The following NENF variants were observed in gnomAD, a reference collection of about 807,000 sequenced individuals.
The protein encoded by NENF is neudesin.
A neutral mutation model predicts 14.8 loss-of-function variants in NENF; 6 were observed. The ratio of observed to expected loss-of-function variants is 0.40; its 90% CI spans 0.22 to 0.80. The LOEUF (loss-of-function observed/expected upper bound fraction) is 0.80. NENF is among the 30% of genes least tolerant of loss of function. The pLI, the probability that NENF is intolerant of heterozygous loss-of-function variation, is 0.34. For synonymous variants in NENF, 76 were observed against 95.1 expected (o/e 0.80, Z 1.17); for missense variants, 184 against 212.7 (o/e 0.87, Z 0.84).
At chr1:212,439,710 A>AAAAAT in intron 1 of NENF, among the ~76,000 whole-genome samples, 1 of 146,724 alleles carries the variant, frequency 6.8e-6, no homozygotes, top group South Asian at 2.2e-4. Flanking sequence ...AAAAAAAAAA[A>AAAAAT]TTGGCCAGGC....
chr1:212,433,229 C>A lies in NENF; in HGVS notation c.177+109C>A. On this transcript the variant is annotated intron_variant, in intron 1 of 3. Transcript: ENST00000366988. This position sits in a 1 kb window ranked among gnomAD's most constrained non-coding sequence, Gnocchi z 5.5. Reference sequence around the variant, plus strand: ...GGCCCAGGAAGCTCTGGGGGACGCGCGGCCCGCGGCGGGCGCCCTGGGCCG... The same window carrying A: ...GGCCCAGGAAGCTCTGGGGGACGCGAGGCCCGCGGCGGGCGCCCTGGGCCG... 1.5e-6 allele frequency: 1 copy of A among 656,392 alleles called. No individual in the cohort carries two copies. The highest frequency in any genetic ancestry group is 2.0e-6 in the Non-Finnish European group (1 of 495,042). The allele number at this position is 656,392 out of a possible 1,614,324, so 40.7% of individuals were successfully genotyped here.
Position 212,433,486 on chromosome 1 carries a change from G to A in NENF, c.177+366G>A, listed in dbSNP as rs914614363. 2.6e-5 allele frequency among the ~76,000 whole-genome samples: 4 copies of A among 152,108 alleles called. No homozygotes were observed. Among genetic ancestry groups the A allele is most frequent in the African/African-American group, 9.7e-5 (4 of 41,444 alleles). On this transcript the variant is annotated intron_variant, in intron 1 of 3. Transcript: ENST00000366988. The surrounding 1 kb of genome is among the most constrained non-coding windows in gnomAD (Gnocchi z 5.5). ...GCGTTTACTGTGCCCACGCATAGTGGGGAGTGGCGGGGGACGGAGGGAGGG... is the reference window on the plus strand; with the variant it reads ...GCGTTTACTGTGCCCACGCATAGTGAGGAGTGGCGGGGGACGGAGGGAGGG...
chr1:212,433,894 T>TG lies in NENF; in HGVS notation c.177+780dup, dbSNP rs1481063970. 6.6e-6 allele frequency among the ~76,000 whole-genome samples: 1 copy of TG among 151,844 alleles called. No homozygotes were observed. The highest frequency in any genetic ancestry group is 1.5e-5 in the Non-Finnish European group (1 of 67,946). ...TAGATGTGGAGCGGGGGAACGGCATTGGGGGGAGGTCATAGTACCATAGTA... is the reference window on the plus strand; with the variant it reads ...TAGATGTGGAGCGGGGGAACGGCATTGGGGGGGAGGTCATAGTACCATAGTA... On this transcript the variant is annotated intron_variant, in intron 1 of 3. Coordinates refer to ENST00000366988, the MANE Select transcript of NENF (RefSeq NM_013349.5). The surrounding 1 kb of genome is among the most constrained non-coding windows in gnomAD (Gnocchi z 5.5).
chr1:212,441,647 G>A (rs1483296432), intron 1 of NENF, among the ~76,000 whole-genome samples: 1 of 152,102 alleles, frequency 6.6e-6, no homozygotes, highest in Non-Finnish European at 1.5e-5. Flanking sequence ...TTAGCGGGGC[G>A]TGGTGGCGGG....
At chr1:212,438,565 C>G (rs963591273) in intron 1 of NENF, among the ~76,000 whole-genome samples, 3 of 151,618 alleles carry the variant, frequency 2.0e-5, no homozygotes, top group Admixed American at 1.3e-4. Flanking sequence ...CTCTGTCACC[C>G]AGGCTGGAGT....
rs771613887 is a variant in NENF, at chr1:212,444,397, G to A, written c.297G>A (p.Gly99=). The part of the protein sequence containing the change: ...NALTGKDSTR[G]VAKMSLDPAD... Reference sequence around the variant, plus strand: ...TGACGGGGAAGGACTCCACTAGAGGGGTAGCCAAGATGTCCTTGGATCCTG... The same window carrying A: ...TGACGGGGAAGGACTCCACTAGAGGAGTAGCCAAGATGTCCTTGGATCCTG... Residue 99 remains glycine (G), a synonymous_variant, in exon 3 of 4, where the codon GGG becomes GGA. Coordinates refer to ENST00000366988, the MANE Select transcript of NENF (RefSeq NM_013349.5). The A allele has an allele frequency of 6.2e-7, 1 of 1,609,878 alleles. No individual in the cohort carries two copies. The highest frequency in any genetic ancestry group is 1.7e-5 in the Admixed American group (1 of 59,604).
intron 1 of NENF, among the ~76,000 whole-genome samples, chr1:212,439,688 C>CAAAAAAAAAAAAAAAAAAA (rs1218927992): frequency 1.6e-5 from 1 of 60,932 alleles, no homozygotes; most frequent in Non-Finnish European, 3.1e-5. Context: ...ACTAAATATA[C>CAAAAAAAAAAAAAAAAAAA]AAAAAAAAAA....
chr1:212,445,648 C>T (rs939579119), intron 3 of NENF, among the ~76,000 whole-genome samples, 182 bp from the exon 4 acceptor site: 5 of 146,186 alleles, frequency 3.4e-5, no homozygotes, highest in African/African-American at 1.2e-4. Flanking sequence ...GTTATACCCT[C>T]CCACCCCCAC....
At chr1:212,440,244 T>A (rs1221011003) in intron 1 of NENF, among the ~76,000 whole-genome samples, 1 of 83,644 alleles carries the variant, frequency 1.2e-5, no homozygotes, top group Non-Finnish European at 2.1e-5. Context: ...AGAGTAAGAC[T>A]CTGTCTCAAA....
intron 1 of NENF, among the ~76,000 whole-genome samples, chr1:212,438,632 T>A (rs2102568225): frequency 6.6e-6 from 1 of 150,590 alleles, no homozygotes; most frequent in East Asian, 1.9e-4. Flanking sequence ...TTTTTTTTTT[T>A]TTTTGGAGAC....
At chr1:212,436,360 G>A (rs1249401878) in intron 1 of NENF, among the ~76,000 whole-genome samples, 1 of 148,150 alleles carries the variant, frequency 6.7e-6, no homozygotes, top group Non-Finnish European at 1.5e-5. Context: ...TCCCAGGCTG[G>A]AGTGCAGTGG....
chr1:212,433,131 G>C lies in NENF; in HGVS notation c.177+11G>C. On this transcript the variant is annotated intron_variant, in intron 1 of 3. Coordinates refer to ENST00000366988, the MANE Select transcript of NENF (RefSeq NM_013349.5). This position sits in a 1 kb window ranked among gnomAD's most constrained non-coding sequence, Gnocchi z 5.5. The stretch of plus-strand genomic sequence containing the variant: ...TATGGCGGGGAGGAGGTAGGCGGGG[G>C]TGTCGCGGGCCGAGGGACCCGGGGT... The C allele has an allele frequency of 2.5e-6, 3 of 1,182,762 alleles. No individual in the cohort carries two copies. The highest frequency in any genetic ancestry group is 3.1e-6 in the Non-Finnish European group (3 of 955,318). 73.3% of individuals were successfully genotyped at this position (1,182,762 alleles called of 1,614,324 possible).
At position 212,435,588 on chromosome 1, in the gene NENF, C is replaced by T. The variant is rs1662591533; in HGVS notation, c.177+2468C>T. Among the ~76,000 whole-genome samples the T allele has an allele frequency of 2.8e-5, 4 of 145,258 alleles. No homozygotes were observed. In the South Asian group the frequency reaches 6.5e-4, roughly 24 times the overall value. On this transcript the variant is annotated intron_variant, in intron 1 of 3. Coordinates refer to ENST00000366988, the MANE Select transcript of NENF (RefSeq NM_013349.5). Reference sequence around the variant, plus strand: ...TTTGAGACAGGGTCTCACTCTATTGCTAAGCCTGGAGTGCAGTGGCAGGAA... The same window carrying T: ...TTTGAGACAGGGTCTCACTCTATTGTTAAGCCTGGAGTGCAGTGGCAGGAA...
chr1:212,432,934 C>A lies in NENF; in HGVS notation c.-10C>A. 2 of 734,008 alleles carry A rather than the reference C, an allele frequency of 2.7e-6. No individual in the cohort carries two copies. The highest frequency in any genetic ancestry group is 3.4e-6 in the Non-Finnish European group (2 of 581,028). The allele number at this position is 734,008 out of a possible 1,614,324, so 45.5% of individuals were successfully genotyped here. On this transcript the variant is annotated 5_prime_UTR_variant, in exon 1 of 4. Transcript: ENST00000366988. Reference sequence around the variant, plus strand: ...CCTGGCCCGGCCTTGCCTTGCGCTGCGCGCTCACCATGGTGGGCCCCGCGC... The same window carrying A: ...CCTGGCCCGGCCTTGCCTTGCGCTGAGCGCTCACCATGGTGGGCCCCGCGC...
intron 1 of NENF, among the ~76,000 whole-genome samples, chr1:212,439,181 C>T (rs1662657214): frequency 6.6e-6 from 1 of 152,118 alleles, no homozygotes; most frequent in Non-Finnish European, 1.5e-5. Flanking sequence ...ATGACTTCCT[C>T]TTCGCACTTA....
intron 1 of NENF, among the ~76,000 whole-genome samples, chr1:212,438,171 G>GACACAC (rs1662638792): frequency 6.6e-6 from 1 of 152,222 alleles, no homozygotes; most frequent in Non-Finnish European, 1.5e-5. Flanking sequence ...AAGGTAGTGT[G>GACACAC]TTCCAGAGTG....
rs1037048080 is a variant in NENF at position 212,433,748 on chromosome 1, C to T, written c.177+628C>T. ...CCGCCACACGTCAATAGAGACCCCC[C>T]CGCCCACACACACCCACACACGTCA... On this transcript the variant is annotated intron_variant, in intron 1 of 3. Transcript: ENST00000366988. The surrounding 1 kb of genome is among the most constrained non-coding windows in gnomAD (Gnocchi z 5.5). 5.3e-5 allele frequency among the ~76,000 whole-genome samples: 8 copies of T among 152,006 alleles called. 1 individual carries two copies. Among genetic ancestry groups the T allele is most frequent in the African/African-American group, 1.2e-4 (5 of 41,452 alleles).
intron 1 of NENF, among the ~76,000 whole-genome samples, chr1:212,439,502 A>G (rs1459698534): frequency 6.6e-6 from 1 of 151,452 alleles, no homozygotes; most frequent in Non-Finnish European, 1.5e-5. Context: ...AGATCATGAC[A>G]TTGCACTCCA....
intron 2 of NENF, among the ~76,000 whole-genome samples, chr1:212,443,469 G>C (rs1483360212): frequency 1.3e-5 from 2 of 151,840 alleles, no homozygotes; most frequent in African/African-American, 4.8e-5. Flanking sequence ...GCAGTGATGC[G>C]ACCTTCTCCA....
Sources: gnomAD v4.1 joint callset for allele counts (sites outside exome capture counted in the v4.1 genomes callset) on GRCh38, gnomAD v4.1.1 for gene constraint, Gnocchi (gnomAD v3.1) non-coding constraint, MANE v1.5 for transcripts, NCBI Gene and HGNC (gene_info 2026-07-23, HGNC 2026-07-21) for gene names.